The following KCNIP1 variants were observed in gnomAD, a reference collection of about 807,000 sequenced individuals.
KCNIP1 encodes A-type potassium channel modulatory protein KCNIP1.
In KCNIP1, 18 loss-of-function variants were observed where a neutral mutation model predicts 33.0. That is an observed-to-expected ratio of 0.55 (90% confidence interval 0.38 to 0.81). The LOEUF is 0.81. KCNIP1 is among the 30% of genes least tolerant of loss of function. The probability of loss-of-function intolerance (pLI) is 0.00; values close to 1 mark genes in which losing one functional copy is unlikely to be tolerated. For synonymous variants in KCNIP1, 93 were observed against 98.3 expected (o/e 0.95, Z 0.32); for missense variants, 238 against 271.6 (o/e 0.88, Z 0.87).
At chr5:170,514,563 G>C (rs1308873620) in intron 1 of KCNIP1, among the ~76,000 whole-genome samples, 1 of 152,224 alleles carries the variant, frequency 6.6e-6, no homozygotes, top group African/African-American at 2.4e-5. Flanking sequence ...GGCTACACAG[G>C]CATTTCAAAG....
exon 1 of KCNIP1, chr5:170,353,822 G>A (rs369745100): frequency 3.9e-6 from 6 of 1,540,034 alleles, no homozygotes; most frequent in Admixed American, 3.4e-5. Flanking sequence ...GGTGCACAAG[G>A]TGGGCACTGT....
intron 1 of KCNIP1, among the ~76,000 whole-genome samples, chr5:170,440,418 C>A (rs755739446): frequency 1.8e-4 from 27 of 152,298 alleles, no homozygotes; most frequent in Admixed American, 1.0e-3. Context: ...TCACAGATCA[C>A]AAAACTGAGG....
At chr5:170,520,021 C>T (rs1755300363) in intron 1 of KCNIP1, among the ~76,000 whole-genome samples, 2 of 152,116 alleles carry the variant, frequency 1.3e-5, no homozygotes, top group African/African-American at 4.8e-5. Flanking sequence ...CAATCTGAGG[C>T]AGGCAGTCCC....
chr5:170,733,387 G>A (rs1430864334), intron 6 of KCNIP1, among the ~76,000 whole-genome samples: 1 of 152,150 alleles, frequency 6.6e-6, no homozygotes, highest in Non-Finnish European at 1.5e-5. Flanking sequence ...TTAATCTAGC[G>A]GTGGAGTATC....
chr5:170,483,686 G>A (rs988664859), intron 1 of KCNIP1: 5 of 152,124 alleles, frequency 3.3e-5, no homozygotes, highest in African/African-American at 1.2e-4. Context: ...CCTTCCTTAT[G>A]GTTGTCAAAA....
chr5:170,416,328 T>C (rs1755329070), intron 1 of KCNIP1, among the ~76,000 whole-genome samples: 1 of 152,116 alleles, frequency 6.6e-6, no homozygotes, highest in Non-Finnish European at 1.5e-5. Flanking sequence ...CTAACCCTCA[T>C]GGGCGGGCCC....
At chr5:170,367,353 GAAA>G (rs1379719269) in intron 1 of KCNIP1, among the ~76,000 whole-genome samples, 8,320 of 40,298 alleles carry the variant, frequency 0.21, 559 homozygotes, top group African/African-American at 0.3. Context: ...GAAAGAAAAA[GAAA>G]GAAAGAAAGA....
intron 1 of KCNIP1, among the ~76,000 whole-genome samples, chr5:170,404,525 G>T (rs1054949876): frequency 6.6e-6 from 1 of 152,286 alleles, no homozygotes. Context: ...GGCCTCCCTT[G>T]TGTCAGGTGG....
chr5:170,612,762 C>T (rs1294993491), intron 1 of KCNIP1, among the ~76,000 whole-genome samples: 3 of 152,182 alleles, frequency 2.0e-5, no homozygotes, highest in Non-Finnish European at 1.5e-5. Flanking sequence ...ATTCAGAGAA[C>T]TCAATTTGAC....
chr5:170,426,095 C>T (rs1039625864), intron 1 of KCNIP1, among the ~76,000 whole-genome samples: 1 of 152,184 alleles, frequency 6.6e-6, no homozygotes, highest in African/African-American at 2.4e-5. Flanking sequence ...GATTTGGAAG[C>T]GGCTGGTTCC....
chr5:170,583,155 A>G (rs966189923), intron 1 of KCNIP1, among the ~76,000 whole-genome samples: 9 of 152,202 alleles, frequency 5.9e-5, no homozygotes, highest in African/African-American at 2.2e-4. Context: ...CTTTTCCTGT[A>G]CTGTGCTAAG....
chr5:170,593,093 A>C (rs1284979010), intron 1 of KCNIP1, among the ~76,000 whole-genome samples: 2 of 152,188 alleles, frequency 1.3e-5, no homozygotes, highest in African/African-American at 4.8e-5. Context: ...AAATTGGCTC[A>C]TTTACTTCTG....
At chr5:170,494,828 T>C (rs926761993) in intron 1 of KCNIP1, among the ~76,000 whole-genome samples, 1 of 152,180 alleles carries the variant, frequency 6.6e-6, no homozygotes, top group Non-Finnish European at 1.5e-5. Context: ...AAGCATTAAA[T>C]TTGAAGGCAG....
intron 1 of KCNIP1, among the ~76,000 whole-genome samples, chr5:170,714,511 T>A (rs1450570400): frequency 6.6e-6 from 1 of 152,206 alleles, no homozygotes; most frequent in African/African-American, 2.4e-5. Context: ...AGTACAGTCA[T>A]GCTCTGCATA....
At chr5:170,596,879 G>A in intron 1 of KCNIP1, among the ~76,000 whole-genome samples, 1 of 152,240 alleles carries the variant, frequency 6.6e-6, no homozygotes, top group East Asian at 1.9e-4. Flanking sequence ...AGAGCTTCTG[G>A]GAAGCAGACA....
At chr5:170,398,697 C>T (rs1754819412) in intron 1 of KCNIP1, among the ~76,000 whole-genome samples, 1 of 152,230 alleles carries the variant, frequency 6.6e-6, no homozygotes, top group South Asian at 2.1e-4. Context: ...GAGGCCCAAT[C>T]TTCATCAGCT....
chr5:170,553,164 A>T (rs1756718376), intron 1 of KCNIP1, among the ~76,000 whole-genome samples: 1 of 152,238 alleles, frequency 6.6e-6, no homozygotes, highest in Non-Finnish European at 1.5e-5. Flanking sequence ...TTTTCTGGAT[A>T]ATCCTCACAA....
chr5:170,362,113 A>G (rs1041573904), intron 1 of KCNIP1, among the ~76,000 whole-genome samples: 2 of 152,232 alleles, frequency 1.3e-5, no homozygotes, highest in African/African-American at 2.4e-5. Context: ...TCCATGCCCA[A>G]TATTTTATTT....
intron 1 of KCNIP1, among the ~76,000 whole-genome samples, chr5:170,660,832 GT>G (rs1483603105): frequency 6.6e-6 from 1 of 152,250 alleles, no homozygotes; most frequent in Non-Finnish European, 1.5e-5. Flanking sequence ...ACTGCTGTGT[GT>G]CCTGGACAGG....
Sources: allele counts gnomAD v4.1 joint callset (sites outside exome capture counted in the v4.1 genomes callset), GRCh38; gene constraint gnomAD v4.1.1; transcripts MANE v1.5; gene names NCBI Gene and HGNC (gene_info 2026-07-23, HGNC 2026-07-21).